Variants in TNIK observed in about 807,000 individuals in gnomAD.
TNIK encodes TRAF2 and NCK-interacting protein kinase.
Under a neutral mutation model 191.3 loss-of-function variants are expected in TNIK, and 49 were observed. The observed-to-expected ratio is 0.26, with a 90% confidence interval of 0.20 to 0.32. The LOEUF is 0.32. TNIK is among the 10% of genes least tolerant of loss of function. The pLI is 1.00. For missense variants in TNIK, 1,155 were observed against 1,702.3 expected (o/e 0.68, Z 5.66); for synonymous variants, 594 against 600.9 (o/e 0.99, Z 0.17).
chr3:171,199,862 G>C (rs951240210), intron 4 of TNIK, among the ~76,000 whole-genome samples: 1 of 152,130 alleles, frequency 6.6e-6, no homozygotes. Flanking sequence ...TCTATTCTTT[G>C]GTCTATTTTG....
At chr3:171,241,777 T>A (rs1039443309) in intron 2 of TNIK, among the ~76,000 whole-genome samples, 13 of 152,174 alleles carry the variant, frequency 8.5e-5, no homozygotes, top group South Asian at 6.2e-4. Context: ...CAAATGTCCA[T>A]CGATGATAGA....
intron 2 of TNIK, among the ~76,000 whole-genome samples, chr3:171,331,806 T>C (rs1254842771): frequency 3.3e-5 from 5 of 152,200 alleles, no homozygotes; most frequent in Non-Finnish European, 7.3e-5. Flanking sequence ...TTTTTGATAA[T>C]GTAATTTTTT....
chr3:171,361,171 G>A (rs1714917380), intron 2 of TNIK, among the ~76,000 whole-genome samples: 1 of 152,170 alleles, frequency 6.6e-6, no homozygotes, highest in South Asian at 2.1e-4. Flanking sequence ...ATCTGGGAAG[G>A]TCTGGAATAA....
chr3:171,274,549 T>A (rs1356800301), intron 2 of TNIK, among the ~76,000 whole-genome samples: 2 of 152,276 alleles, frequency 1.3e-5, no homozygotes, highest in East Asian at 1.9e-4. Flanking sequence ...TAATATAAGA[T>A]AGAAATATGG....
chr3:171,096,022 T>C (rs931929899), intron 22 of TNIK, among the ~76,000 whole-genome samples: 1 of 152,226 alleles, frequency 6.6e-6, no homozygotes, highest in Non-Finnish European at 1.5e-5. Flanking sequence ...TTTCTTGCTC[T>C]TCTTTCTTCC....
At chr3:171,116,333 C>T (rs564909395) in intron 18 of TNIK, among the ~76,000 whole-genome samples, 1 of 152,082 alleles carries the variant, frequency 6.6e-6, no homozygotes, top group African/African-American at 2.4e-5. Context: ...TATTCAGATC[C>T]GAATGTGTAA....
chr3:171,214,047 T>C (rs904205626), intron 3 of TNIK, among the ~76,000 whole-genome samples: 16 of 152,154 alleles, frequency 1.1e-4, no homozygotes, highest in African/African-American at 3.9e-4. Context: ...AACACAGTTA[T>C]GGAACCACTG....
intron 1 of TNIK, among the ~76,000 whole-genome samples, chr3:171,369,916 A>C (rs1716265536): frequency 6.6e-6 from 1 of 152,182 alleles, no homozygotes; most frequent in Non-Finnish European, 1.5e-5. Context: ...AATGTGTTTA[A>C]ATCAGGCAAA....
intron 2 of TNIK, among the ~76,000 whole-genome samples, chr3:171,284,120 G>T (rs575478379): frequency 6.6e-6 from 1 of 151,996 alleles, no homozygotes; most frequent in African/African-American, 2.4e-5. Context: ...AACTCTGGAG[G>T]GGGGCGGCAG....
Position 171,460,334 on chromosome 3 carries a change from G to A in TNIK, c.-271C>T, listed in dbSNP as rs1464689871. ...CGCCCCGATCGGCTAAGGGCGCTGGGGCTGCGTGGGTGTATTTAAATGGGA... is the reference window on the plus strand; with the variant it reads ...CGCCCCGATCGGCTAAGGGCGCTGGAGCTGCGTGGGTGTATTTAAATGGGA... On this transcript the variant is annotated 5_prime_UTR_variant, in exon 1 of 33. Coordinates refer to ENST00000436636, the MANE Select transcript of TNIK (RefSeq NM_015028.4). The surrounding 1 kb of genome is among the most constrained non-coding windows in gnomAD (Gnocchi z 6.8). The A allele has an allele frequency of 1.8e-6, 1 of 555,514 alleles. No homozygotes were observed. The allele number at this position is 555,514 out of a possible 1,614,324, so 34.4% of individuals were successfully genotyped here. A position where few individuals can be genotyped will look rare whatever the true frequency, so the allele number is the denominator to read the frequency against.
intron 1 of TNIK, among the ~76,000 whole-genome samples, chr3:171,459,287 G>C (rs1039788282): frequency 6.6e-6 from 1 of 151,714 alleles, no homozygotes; most frequent in Admixed American, 6.6e-5. Flanking sequence ...AGGAAAAGCA[G>C]AAAACACATC....
At chr3:171,317,945 C>T (rs1384746594) in intron 2 of TNIK, among the ~76,000 whole-genome samples, 1 of 152,126 alleles carries the variant, frequency 6.6e-6, no homozygotes, top group East Asian at 1.9e-4. Context: ...GGACAGTAAC[C>T]ATCCTAAGGA....
At chr3:171,254,592 T>C (rs1746621093) in intron 2 of TNIK, among the ~76,000 whole-genome samples, 1 of 152,172 alleles carries the variant, frequency 6.6e-6, no homozygotes, top group African/African-American at 2.4e-5. Flanking sequence ...TATAAGCCTC[T>C]CTTTGGGGCA....
Position 171,063,765 on chromosome 3 carries a change from G to A in TNIK, c.*116C>T. 1.0e-6 allele frequency: 1 copy of A among 984,324 alleles called. No homozygotes were observed. Among genetic ancestry groups the A allele is most frequent in the Non-Finnish European group, 1.5e-6 (1 of 664,082 alleles). 61.0% of individuals were successfully genotyped at this position (984,324 alleles called of 1,614,324 possible). ...GGCGGAGGGAGAGGAAAAAGGGAAAGCGATATGTTCAACCAAGCCTTCTGA... is the reference window on the plus strand; with the variant it reads ...GGCGGAGGGAGAGGAAAAAGGGAAAACGATATGTTCAACCAAGCCTTCTGA... On this transcript the variant is annotated 3_prime_UTR_variant, in exon 33 of 33. Transcript: ENST00000436636.
chr3:171,135,321 A>T (rs1299662083), intron 15 of TNIK, among the ~76,000 whole-genome samples: 1 of 152,254 alleles, frequency 6.6e-6, no homozygotes, highest in Non-Finnish European at 1.5e-5. Flanking sequence ...TTAAAAGATC[A>T]AGAATGTAAA....
At chr3:171,065,795 T>A in intron 32 of TNIK, among the ~76,000 whole-genome samples, 1 of 152,204 alleles carries the variant, frequency 6.6e-6, no homozygotes, top group Non-Finnish European at 1.5e-5. Context: ...AAGGTGAATA[T>A]AAGGTGATTG....
intron 2 of TNIK, among the ~76,000 whole-genome samples, chr3:171,319,908 G>A (rs1218134932): frequency 1.3e-5 from 2 of 152,132 alleles, no homozygotes; most frequent in Non-Finnish European, 2.9e-5. Flanking sequence ...CTTACAGGAA[G>A]GGTCAGTCTC....
intron 9 of TNIK, among the ~76,000 whole-genome samples, chr3:171,167,496 A>G (rs961642175): frequency 3.3e-5 from 5 of 152,344 alleles, no homozygotes; most frequent in Admixed American, 3.3e-4. Context: ...AGTTATGCAC[A>G]TGAAAGCATT....
chr3:171,367,477 G>GTT (rs1236812679), intron 2 of TNIK, among the ~76,000 whole-genome samples: 24 of 143,324 alleles, frequency 1.7e-4, no homozygotes, highest in South Asian at 4.5e-4. Flanking sequence ...TTTTTTTGGG[G>GTT]GGGGGGGGAG....
Sources: gnomAD v4.1 joint callset for allele counts (sites outside exome capture counted in the v4.1 genomes callset) on GRCh38, gnomAD v4.1.1 for gene constraint, Gnocchi (gnomAD v3.1) non-coding constraint, MANE v1.5 for transcripts, NCBI Gene and HGNC (gene_info 2026-07-23, HGNC 2026-07-21) for gene names.